PDE11A: variants seen among roughly 807,000 people sequenced by gnomAD.
The protein encoded by PDE11A is phosphodiesterase 11A, also known as dual 3',5'-cyclic-AMP and -GMP phosphodiesterase 11A.
PDE11A carries 100 observed loss-of-function variants against 100.5 expected under a neutral mutation model. The ratio of observed to expected loss-of-function variants is 1.00; its 90% CI spans 0.85 to 1.18. The LOEUF (loss-of-function observed/expected upper bound fraction) is 1.18, where lower values mean the gene tolerates loss of function less well. Among genes scored for constraint, PDE11A ranks in the 50% most tolerant of loss-of-function variants. The probability of loss-of-function intolerance (pLI) is 0.00; values close to 1 mark genes in which losing one functional copy is unlikely to be tolerated. For synonymous variants in PDE11A, 381 were observed against 420.8 expected (o/e 0.91, Z 1.16); for missense variants, 1,141 against 1,152.6 (o/e 0.99, Z 0.15).
At chr2:178,016,296 T>C (rs1468969318) in intron 1 of PDE11A, among the ~76,000 whole-genome samples, 1 of 152,010 alleles carries the variant, frequency 6.6e-6, no homozygotes, top group African/African-American at 2.4e-5. Flanking sequence ...AGTCTTTAAA[T>C]GCCATTATGA....
intron 1 of PDE11A, among the ~76,000 whole-genome samples, chr2:178,051,551 C>A (rs2086827104): frequency 6.6e-6 from 1 of 152,160 alleles, no homozygotes; most frequent in African/African-American, 2.4e-5. Context: ...AATTAAAAGA[C>A]ACAGACTGGC....
At chr2:177,968,746 A>G (rs184436935) in intron 2 of PDE11A, among the ~76,000 whole-genome samples, 15 of 152,354 alleles carry the variant, frequency 9.8e-5, no homozygotes, top group African/African-American at 3.4e-4. Context: ...TAGAATGGCA[A>G]TTATTAAAAA....
rs571410174 is a variant in PDE11A, at chr2:177,852,442, T to A, written c.1368-12059A>T. Among the ~76,000 whole-genome samples the A allele has an allele frequency of 1.0e-3, 156 of 152,240 alleles. 2 individuals carry two copies. Among genetic ancestry groups the A allele is most frequent in the Middle Eastern group, 0.01 (3 of 294 alleles). ...GACATTTTGTTTCATTGACTAGAGGTCAATCTGAGGTTGGGTTCACAAAAA... is the reference window on the plus strand; with the variant it reads ...GACATTTTGTTTCATTGACTAGAGGACAATCTGAGGTTGGGTTCACAAAAA... On this transcript the variant is annotated intron_variant, in intron 5 of 19. Coordinates refer to ENST00000286063, the MANE Select transcript of PDE11A (RefSeq NM_016953.4).
At chr2:177,637,994 TATA>T (rs1328994239) in intron 19 of PDE11A, among the ~76,000 whole-genome samples, 18 of 50,272 alleles carry the variant, frequency 3.6e-4, no homozygotes, top group African/African-American at 9.6e-4. Context: ...TATATATATA[TATA>T]TTTTTTTTTT....
chr2:177,634,028 A>G (rs1366093996), intron 19 of PDE11A, among the ~76,000 whole-genome samples: 1 of 152,142 alleles, frequency 6.6e-6, no homozygotes, highest in Non-Finnish European at 1.5e-5. Flanking sequence ...TAAAAGCAAC[A>G]CATTTTTTTC....
chr2:177,877,366 T>C lies in PDE11A; in HGVS notation c.1303-1443A>G, dbSNP rs183056819. 5.8e-4 allele frequency among the ~76,000 whole-genome samples: 72 copies of C among 123,338 alleles called. 2 individuals carry two copies. Among genetic ancestry groups the C allele is most frequent in the Admixed American group, 4.7e-3 (65 of 13,724 alleles). 80.9% of individuals were successfully genotyped at this position (123,338 alleles called of 152,430 possible). A position where few individuals can be genotyped will look rare whatever the true frequency, so the allele number is the denominator to read the frequency against. On this transcript the variant is annotated intron_variant, in intron 4 of 19. Transcript: ENST00000286063. Reference sequence around the variant, plus strand: ...TTTTAGTAGAGACAGGGTTTCACCATGTTGACCAGGGTAGTCTTGAATTCC... The same window carrying C: ...TTTTAGTAGAGACAGGGTTTCACCACGTTGACCAGGGTAGTCTTGAATTCC...
chr2:177,998,454 A>G, intron 2 of PDE11A: 1 of 1,217,842 alleles, frequency 8.2e-7, no homozygotes, highest in Non-Finnish European at 1.2e-6. Flanking sequence ...ATCTGACTCC[A>G]AAAGTTGCAT....
intron 2 of PDE11A, among the ~76,000 whole-genome samples, chr2:177,971,360 T>C (rs1472677620): frequency 1.3e-5 from 2 of 152,294 alleles, no homozygotes; most frequent in East Asian, 3.9e-4. Flanking sequence ...CATATGTGGA[T>C]ATTAGAACTC....
At chr2:178,029,163 C>T (rs2086514854) in intron 1 of PDE11A, among the ~76,000 whole-genome samples, 1 of 152,100 alleles carries the variant, frequency 6.6e-6, no homozygotes. Flanking sequence ...CTGCACCCAA[C>T]AACAAGAGAT....
intron 1 of PDE11A, among the ~76,000 whole-genome samples, chr2:178,058,499 C>T (rs756995017): frequency 4.6e-5 from 7 of 152,206 alleles, no homozygotes; most frequent in Admixed American, 1.3e-4. Flanking sequence ...TGACTTGCTC[C>T]TCCTTGCCTT....
chr2:178,098,638 T>C (rs1440617828), intron 2 of PDE11A, among the ~76,000 whole-genome samples: 3 of 152,166 alleles, frequency 2.0e-5, no homozygotes, highest in African/African-American at 4.8e-5. Context: ...AAGAATAATA[T>C]TGCCAAATAA....
At chr2:178,079,345 T>C (rs2087255069) in intron 2 of PDE11A, among the ~76,000 whole-genome samples, 1 of 151,150 alleles carries the variant, frequency 6.6e-6, no homozygotes, top group Admixed American at 6.6e-5. Flanking sequence ...CCCATGTCCA[T>C]GTGTTCTCAT....
intron 1 of PDE11A, among the ~76,000 whole-genome samples, chr2:178,024,241 A>C (rs1052004349): frequency 1.3e-5 from 2 of 151,974 alleles, no homozygotes; most frequent in Non-Finnish European, 2.9e-5. Flanking sequence ...CTGAAACCCC[A>C]TCTCTACTAA....
At chr2:177,926,498 T>C (rs2695114) in intron 2 of PDE11A, among the ~76,000 whole-genome samples, 148,103 of 152,250 alleles carry the variant, frequency 0.97, 72,144 homozygotes, top group Middle Eastern at 1. Flanking sequence ...TAGATAGAAC[T>C]CAAATAAGCA....
chr2:177,741,220 G>C (rs1407169291), intron 10 of PDE11A, among the ~76,000 whole-genome samples: 1 of 152,146 alleles, frequency 6.6e-6, no homozygotes, highest in Non-Finnish European at 1.5e-5. Flanking sequence ...TTTCTCTTGA[G>C]GTCTCTCTCC....
intron 12 of PDE11A, among the ~76,000 whole-genome samples, chr2:177,712,838 G>C (rs1055942796): frequency 1.3e-5 from 2 of 152,120 alleles, no homozygotes; most frequent in African/African-American, 4.8e-5. Context: ...AGTGGGAGGA[G>C]GGGGAGGATT....
intron 6 of PDE11A, among the ~76,000 whole-genome samples, chr2:177,824,384 T>C (rs1218481208): frequency 6.6e-6 from 1 of 152,202 alleles, no homozygotes; most frequent in African/African-American, 2.4e-5. Flanking sequence ...GACTAAAAAC[T>C]GAACTTTGGG....
At chr2:177,955,483 C>G (rs1342955491) in intron 2 of PDE11A, among the ~76,000 whole-genome samples, 1 of 152,130 alleles carries the variant, frequency 6.6e-6, no homozygotes. Flanking sequence ...CAGTTAGGAC[C>G]TGGAAATTCC....
intron 2 of PDE11A, among the ~76,000 whole-genome samples, chr2:178,079,746 G>A (rs976905972): frequency 1.3e-5 from 2 of 152,134 alleles, no homozygotes; most frequent in Middle Eastern, 3.4e-3. Flanking sequence ...ACTAATTTAC[G>A]TTCCCACCAA....
Sources: gnomAD v4.1 joint callset for allele counts (sites outside exome capture counted in the v4.1 genomes callset) on GRCh38, gnomAD v4.1.1 for gene constraint, MANE v1.5 for transcripts, NCBI Gene and HGNC (gene_info 2026-07-23, HGNC 2026-07-21) for gene names.